Variants in TRIO observed in about 807,000 individuals in gnomAD.
TRIO encodes trio Rho guanine nucleotide exchange factor.
A neutral mutation model predicts 351.9 loss-of-function variants in TRIO; 58 were observed. The ratio of observed to expected loss-of-function variants is 0.16; its 90% CI spans 0.13 to 0.21. The LOEUF (loss-of-function observed/expected upper bound fraction) is 0.21, where lower values mean the gene tolerates loss of function less well. Ranked by LOEUF, TRIO falls within the 10% of genes least tolerant of loss-of-function variation. TRIO has a pLI of 1.00. For missense variants in TRIO, 3,201 were observed against 4,027.8 expected, an observed-to-expected ratio of 0.79 and a Z score of 5.56; for synonymous variants, 1,758 against 1,595.7, an observed-to-expected ratio of 1.10 and a Z score of -2.42.
At chr5:14,219,051 C>T (rs1366288040) in intron 1 of TRIO, among the ~76,000 whole-genome samples, 1 of 152,152 alleles carries the variant, frequency 6.6e-6, no homozygotes, top group Non-Finnish European at 1.5e-5. Flanking sequence ...AATCTGGTAG[C>T]TCAGTTTATA....
chr5:14,149,631 G>A, intron 1 of TRIO, among the ~76,000 whole-genome samples: 1 of 152,224 alleles, frequency 6.6e-6, no homozygotes. Flanking sequence ...GATGGCAGAG[G>A]GGCTGTGGAA....
In TRIO at chr5:14,290,964, G is replaced by A. The variant is rs756658798; in HGVS notation, c.789G>A (p.Leu263=). ...ATATGATCGAGGAACATTCTCAGCT[G>A]AAGAAGAAGGTGATTAAGGCCCCCA... ...ARNMIEEHSQ[L]KKKVIKAPIE... The change falls in exon 5 of 57, where the codon CTG becomes CTA. Residue 263 remains leucine (L), a synonymous_variant. Transcript: ENST00000344204. 1 of 1,614,202 alleles carries A rather than the reference G, an allele frequency of 6.2e-7. No homozygotes were observed. The highest frequency in any genetic ancestry group is 1.1e-5 in the South Asian group (1 of 91,084).
intron 11 of TRIO, among the ~76,000 whole-genome samples, chr5:14,356,671 A>G (rs55773296): frequency 2.0e-5 from 3 of 152,288 alleles, no homozygotes; most frequent in South Asian, 4.1e-4. Flanking sequence ...GTTGTGCCCA[A>G]ATGTTTACAG....
At chr5:14,398,571 A>G (rs1304264977) in intron 29 of TRIO, among the ~76,000 whole-genome samples, 1 of 152,132 alleles carries the variant, frequency 6.6e-6, no homozygotes, top group African/African-American at 2.4e-5. Flanking sequence ...GGCTGAAGAG[A>G]AGTAGAGGGT....
At chr5:14,462,956 G>T (rs751339859) in intron 36 of TRIO, 31 bp downstream of exon 36, 38 of 1,532,392 alleles carry the variant, frequency 2.5e-5, no homozygotes, top group Non-Finnish European at 3.1e-5. Context: ...GGGAATCCAT[G>T]CCTGCCGTGC....
intron 1 of TRIO, among the ~76,000 whole-genome samples, chr5:14,181,774 G>A (rs1408642691): frequency 5.9e-5 from 9 of 152,182 alleles, no homozygotes; most frequent in Non-Finnish European, 1.2e-4. Flanking sequence ...TTGAATGGAT[G>A]GCAGGAGAAA....
Position 14,487,542 on chromosome 5 carries a change from G to A in TRIO, c.6914G>A (p.Gly2305Asp), listed in dbSNP as rs552613615. The change falls in exon 48 of 57, where the codon GGT becomes GAT. Residue 2305 changes from glycine to aspartate, a missense_variant. By Grantham distance (94) the Gly-to-Asp change is moderately conservative. Transcript: ENST00000344204. ...GGGGSGGSGG[G>D]GGSGGGGAPS... The stretch of plus-strand genomic sequence containing the variant: ...GGCGGCAGCGGGGGCAGCGGCGGGG[G>A]TGGGGGCAGCGGCGGCGGCGGGGCC... The A allele has an allele frequency of 2.9e-3, 3,074 of 1,064,118 alleles. 5 individuals are homozygous for A. Among genetic ancestry groups the A allele is most frequent in the Non-Finnish European group, 3.4e-3 (2,976 of 872,156 alleles). The allele number at this position is 1,064,118 out of a possible 1,614,324, so 65.9% of individuals were successfully genotyped here.
At chr5:14,176,908 A>G (rs188228435) in intron 1 of TRIO, among the ~76,000 whole-genome samples, 29 of 152,360 alleles carry the variant, frequency 1.9e-4, no homozygotes, top group African/African-American at 6.7e-4. Flanking sequence ...TGGCCATTAA[A>G]TATTTTATGC....
intron 6 of TRIO, among the ~76,000 whole-genome samples, chr5:14,295,163 T>A (rs557570794): frequency 7.2e-5 from 11 of 152,310 alleles, no homozygotes; most frequent in African/African-American, 2.6e-4. Flanking sequence ...CTGCTCGCTA[T>A]AGTGTTTTGA....
At chr5:14,402,025 T>C (rs1748113953) in intron 31 of TRIO, among the ~76,000 whole-genome samples, 1 of 152,232 alleles carries the variant, frequency 6.6e-6, no homozygotes, top group South Asian at 2.1e-4. Flanking sequence ...ATAAGATTTT[T>C]GTTCATATGT....
chr5:14,262,749 C>G (rs368417827), intron 1 of TRIO, among the ~76,000 whole-genome samples: 1 of 151,800 alleles, frequency 6.6e-6, no homozygotes, highest in African/African-American at 2.4e-5. Context: ...GGTTTGGCCA[C>G]GAGGTCGATG....
intron 8 of TRIO, among the ~76,000 whole-genome samples, chr5:14,307,117 C>T (rs185774592): frequency 1.3e-5 from 2 of 152,302 alleles, no homozygotes; most frequent in African/African-American, 4.8e-5. Flanking sequence ...TTCAGGGCTA[C>T]AGGAAAGTGG....
intron 1 of TRIO, among the ~76,000 whole-genome samples, chr5:14,258,044 C>T (rs937499039): frequency 6.6e-6 from 1 of 152,124 alleles, no homozygotes; most frequent in Non-Finnish European, 1.5e-5. Flanking sequence ...ACAGTCACCC[C>T]CCCTGGGAGG....
chr5:14,316,658 G>A lies in TRIO; in HGVS notation c.1646G>A (p.Arg549Gln), dbSNP rs753228607. 3.7e-6 allele frequency: 6 copies of A among 1,614,152 alleles called. No homozygotes were observed. In the South Asian group the frequency reaches 4.4e-5, roughly 12 times the overall value. The change falls in exon 9 of 57, where the codon CGG (arginine) becomes CAG (glutamine). Residue 549 changes from arginine (R) to glutamine (Q), a missense_variant. Arg to Gln is a conservative substitution (Grantham distance 43, BLOSUM62 1). Around this residue, in one of 19 missense-constraint regions of TRIO, gnomAD observed 349 missense variants for 449.3 expected, o/e 0.78. Transcript: ENST00000344204. ...DVIHEVLHHQRQLENIWQHRK... is the reference protein window; with the variant it reads ...DVIHEVLHHQQQLENIWQHRK... ...ATCCACGAGGTGCTGCACCACCAGCGGCAGCTGGAGAACATCTGGCAACAC... is the reference window on the plus strand; with the variant it reads ...ATCCACGAGGTGCTGCACCACCAGCAGCAGCTGGAGAACATCTGGCAACAC...
At chr5:14,402,343 A>G (rs1189892695) in intron 31 of TRIO, among the ~76,000 whole-genome samples, 1 of 152,232 alleles carries the variant, frequency 6.6e-6, no homozygotes, top group Non-Finnish European at 1.5e-5. Flanking sequence ...CAGTTGACAA[A>G]TAAGACTCTT....
At chr5:14,345,606 G>C (rs1027189005) in intron 11 of TRIO, among the ~76,000 whole-genome samples, 1 of 152,176 alleles carries the variant, frequency 6.6e-6, no homozygotes, top group Non-Finnish European at 1.5e-5. Context: ...TGTCACCCAG[G>C]CTGGAGTGCA....
Position 14,349,550 on chromosome 5 carries a change from C to T in TRIO, c.2047-8628C>T, listed in dbSNP as rs565225232. Among the ~76,000 whole-genome samples the T allele has an allele frequency of 1.2e-4, 19 of 152,294 alleles. 1 individual carries two copies. The highest frequency in any genetic ancestry group is 2.2e-4 in the Non-Finnish European group (15 of 68,034). Reference sequence around the variant, plus strand: ...TGCTCTTCCCTTAGGAATTGACAGTCGTGGCGACTGCTGTCTTTAGTACAT... The same window carrying T: ...TGCTCTTCCCTTAGGAATTGACAGTTGTGGCGACTGCTGTCTTTAGTACAT... On this transcript the variant is annotated intron_variant, in intron 11 of 56. Coordinates refer to ENST00000344204, the MANE Select transcript of TRIO (RefSeq NM_007118.4).
rs16903420 is a variant in TRIO, at chr5:14,366,821, G to A, written c.2755-39G>A. On this transcript the variant is annotated intron_variant, in intron 15 of 56. Transcript: ENST00000344204. Reference sequence around the variant, plus strand: ...CCTGGTGGTCCACAGGATTCTCTGGGAAGTCCACTGCTTGGAGTTATCCTG... The same window carrying A: ...CCTGGTGGTCCACAGGATTCTCTGGAAAGTCCACTGCTTGGAGTTATCCTG... 9.2e-3 allele frequency: 14,830 copies of A among 1,612,796 alleles called. 1,209 individuals are homozygous for A. The African/African-American group carries it at 0.17, about 19-fold the overall frequency.
At chr5:14,403,429 G>A (rs1185093538) in intron 31 of TRIO, among the ~76,000 whole-genome samples, 1 of 107,160 alleles carries the variant, frequency 9.3e-6, no homozygotes, top group Non-Finnish European at 1.9e-5. Flanking sequence ...TGGTGAGGGT[G>A]TAGGTTGTGG....
Sources: gnomAD v4.1 joint callset for allele counts (sites outside exome capture counted in the v4.1 genomes callset) on GRCh38, gnomAD v4.1.1 for gene constraint, gnomAD v4.1.1 regional missense constraint, MANE v1.5 for transcripts, NCBI Gene and HGNC (gene_info 2026-07-23, HGNC 2026-07-21) for gene names.